Variants in MLLT3 observed in about 807,000 individuals in gnomAD.
MLLT3 encodes the protein protein AF-9.
A neutral mutation model predicts 53.2 loss-of-function variants in MLLT3; 4 were observed. That is an observed-to-expected ratio of 0.08 (90% CI 0.04 to 0.17). The LOEUF (loss-of-function observed/expected upper bound fraction) is 0.17, where lower values mean the gene tolerates loss of function less well. Ranked by LOEUF, MLLT3 falls within the 10% of genes least tolerant of loss-of-function variation. The pLI is 1.00. For synonymous variants in MLLT3, 283 were observed against 230.6 expected (o/e 1.23, Z -2.06); for missense variants, 569 against 684.0 (o/e 0.83, Z 1.87).
At chr9:20,602,727 C>A (rs981478723) in intron 2 of MLLT3, among the ~76,000 whole-genome samples, 3 of 150,378 alleles carry the variant, frequency 2.0e-5, no homozygotes, top group Non-Finnish European at 4.4e-5. Flanking sequence ...TCTCCTACTG[C>A]CAGGCTCTTG....
chr9:20,505,828 G>C (rs1444546137), intron 2 of MLLT3, among the ~76,000 whole-genome samples: 1 of 152,124 alleles, frequency 6.6e-6, no homozygotes, highest in African/African-American at 2.4e-5. Context: ...TGTAACATTA[G>C]AATATATCCA....
At chr9:20,579,708 G>C (rs936263140) in intron 2 of MLLT3, among the ~76,000 whole-genome samples, 1 of 152,146 alleles carries the variant, frequency 6.6e-6, no homozygotes, top group African/African-American at 2.4e-5. Context: ...AGAGCTCTTT[G>C]CTCTAACCCC....
intron 3 of MLLT3, among the ~76,000 whole-genome samples, chr9:20,454,130 T>C (rs1823903061): frequency 6.6e-6 from 1 of 152,136 alleles, no homozygotes; most frequent in Non-Finnish European, 1.5e-5. Context: ...GAAAATAAAA[T>C]CCCTCACAAA....
chr9:20,428,996 C>A (rs531243117), intron 4 of MLLT3, among the ~76,000 whole-genome samples: 1 of 152,044 alleles, frequency 6.6e-6, no homozygotes, highest in Non-Finnish European at 1.5e-5. Flanking sequence ...ACAAAGAAAA[C>A]ATCAAGCCCA....
intron 2 of MLLT3, among the ~76,000 whole-genome samples, chr9:20,461,647 C>G (rs1196602995): frequency 3.3e-5 from 5 of 152,082 alleles, no homozygotes; most frequent in African/African-American, 1.2e-4. Context: ...AGAAAAAACG[C>G]TGCCAACTCC....
intron 5 of MLLT3, among the ~76,000 whole-genome samples, chr9:20,411,554 T>A (rs978406090): frequency 6.6e-6 from 1 of 152,210 alleles, no homozygotes; most frequent in African/African-American, 2.4e-5. Context: ...TTCTCAGCAA[T>A]GCTATGCAGA....
chr9:20,607,360 T>C (rs1820596368), intron 2 of MLLT3, among the ~76,000 whole-genome samples: 1 of 152,120 alleles, frequency 6.6e-6, no homozygotes. Flanking sequence ...AAAGAGTATA[T>C]TTTCCTCATT....
intron 10 of MLLT3, among the ~76,000 whole-genome samples, chr9:20,348,172 TAGTGGATGCAACAAC>T (rs1820925138): frequency 6.6e-6 from 1 of 152,214 alleles, no homozygotes; most frequent in Admixed American, 6.5e-5. Flanking sequence ...GCTACTCTCA[TAGTGGATGCAACAAC>T]AGATGCTGCA....
rs114119420 is a variant in MLLT3, at chr9:20,530,929, C to A, written c.194-74143G>T. Among the ~76,000 whole-genome samples, 822 of 152,024 alleles carry A rather than the reference C, an allele frequency of 5.4e-3. 6 individuals are homozygous for A. Among genetic ancestry groups the A allele is most frequent in the African/African-American group, 0.019 (778 of 41,426 alleles). On this transcript the variant is annotated intron_variant, in intron 2 of 10. Transcript: ENST00000380338. ...TACAGGTGTGAGCCATCGTGCCTGG[C>A]GCTGCTTGTACATTTTGAGCAAATT...
intron 2 of MLLT3, among the ~76,000 whole-genome samples, chr9:20,581,324 T>A (rs1819787108): frequency 6.6e-6 from 1 of 152,128 alleles, no homozygotes. Context: ...ATTAAAGAGG[T>A]GTTAAACAAA....
At chr9:20,458,570 G>A (rs1244671180) in intron 2 of MLLT3, among the ~76,000 whole-genome samples, 2 of 152,134 alleles carry the variant, frequency 1.3e-5, no homozygotes, top group Admixed American at 6.5e-5. Context: ...CATGAAGGTG[G>A]AAACCTCATG....
chr9:20,395,780 G>A (rs1822306863), intron 5 of MLLT3, among the ~76,000 whole-genome samples: 2 of 152,194 alleles, frequency 1.3e-5, no homozygotes, highest in Admixed American at 1.3e-4. Context: ...TCTTTCCTGT[G>A]TGGTACATTA....
intron 2 of MLLT3, among the ~76,000 whole-genome samples, chr9:20,524,028 G>T (rs1818136324): frequency 6.6e-6 from 1 of 151,934 alleles, no homozygotes; most frequent in Non-Finnish European, 1.5e-5. Context: ...AGGGGTCAGG[G>T]GAAGTGGCAG....
At chr9:20,476,221 A>G (rs1001499514) in intron 2 of MLLT3, among the ~76,000 whole-genome samples, 2 of 152,102 alleles carry the variant, frequency 1.3e-5, no homozygotes, top group African/African-American at 4.8e-5. Context: ...CAGGAGGAGA[A>G]ATAGTACTTG....
chr9:20,362,154 A>G (rs889042795), intron 7 of MLLT3, among the ~76,000 whole-genome samples: 11 of 152,242 alleles, frequency 7.2e-5, no homozygotes, highest in African/African-American at 2.7e-4. Flanking sequence ...ATGCTAACAC[A>G]GCACGGTCAG....
At chr9:20,607,221 T>A (rs185433105) in intron 2 of MLLT3, among the ~76,000 whole-genome samples, 30 of 152,276 alleles carry the variant, frequency 2.0e-4, no homozygotes, top group Admixed American at 9.2e-4. Context: ...GGGTATTTGG[T>A]TATAACAAGT....
At chr9:20,364,439 A>G (rs2118645310) in intron 6 of MLLT3, among the ~76,000 whole-genome samples, 1 of 152,348 alleles carries the variant, frequency 6.6e-6, no homozygotes, top group East Asian at 1.9e-4. Flanking sequence ...AAAAATAGAT[A>G]GTTTTAATCT....
chr9:20,526,921 T>C (rs1371509066), intron 2 of MLLT3, among the ~76,000 whole-genome samples: 9 of 152,190 alleles, frequency 5.9e-5, no homozygotes, highest in Admixed American at 5.9e-4. Flanking sequence ...GTTTATTGTA[T>C]ATATTGGACA....
At chr9:20,564,795 A>C (rs1819306563) in intron 2 of MLLT3, among the ~76,000 whole-genome samples, 1 of 152,156 alleles carries the variant, frequency 6.6e-6, no homozygotes, top group Admixed American at 6.6e-5. Flanking sequence ...AATAGTGCTG[A>C]TTTTCAAGCA....
Sources: gnomAD v4.1 joint callset for allele counts (sites outside exome capture counted in the v4.1 genomes callset) on GRCh38, gnomAD v4.1.1 for gene constraint, MANE v1.5 for transcripts, NCBI Gene and HGNC (gene_info 2026-07-23, HGNC 2026-07-21) for gene names.